The following E2F3 variants were observed in gnomAD, a reference collection of about 807,000 sequenced individuals.
E2F3 encodes the protein transcription factor E2F3.
E2F3 carries 11 observed loss-of-function variants against 44.4 expected under a neutral mutation model. The ratio of observed to expected loss-of-function variants is 0.25; its 90% CI spans 0.16 to 0.41. The LOEUF (loss-of-function observed/expected upper bound fraction) is 0.41. Ranked by LOEUF, E2F3 falls within the 10% of genes least tolerant of loss-of-function variation. E2F3 has a pLI of 1.00. For synonymous variants in E2F3, 249 were observed against 253.0 expected (o/e 0.98, Z 0.15); for missense variants, 487 against 583.6 (o/e 0.83, Z 1.70).
In E2F3 at chr6:20,493,239, G is replaced by C. The variant is rs1185891031; in HGVS notation, c.*2809G>C. 1 of 226,064 alleles carries C rather than the reference G, an allele frequency of 4.4e-6. No homozygotes were observed. Among genetic ancestry groups the C allele is most frequent in the Non-Finnish European group, 8.8e-6 (1 of 113,430 alleles). The allele number at this position is 226,064 out of a possible 1,614,324, so 14.0% of individuals were successfully genotyped here. On this transcript the variant is annotated 3_prime_UTR_variant, in exon 7 of 7. Transcript: ENST00000346618. ...TTTTGTTTTTCTGTTCTTTGTTGTG[G>C]CTCTTGTTTTCATTTTTGTTGTACG...
intron 1 of E2F3, among the ~76,000 whole-genome samples, chr6:20,448,196 G>T (rs751633481): frequency 2.0e-5 from 3 of 152,156 alleles, no homozygotes; most frequent in Non-Finnish European, 4.4e-5. Flanking sequence ...TTTTGGTTTG[G>T]TTGTTATGAG....
intron 1 of E2F3, among the ~76,000 whole-genome samples, chr6:20,466,966 AAC>A (rs1423923098): frequency 6.6e-6 from 1 of 152,130 alleles, no homozygotes; most frequent in Admixed American, 6.6e-5. Flanking sequence ...AGGTGTGAAC[AAC>A]CGCGCCCGGC....
intron 1 of E2F3, among the ~76,000 whole-genome samples, chr6:20,456,211 T>C (rs1032278551): frequency 6.6e-6 from 1 of 151,878 alleles, no homozygotes; most frequent in African/African-American, 2.4e-5. Flanking sequence ...GAAAGTAGTA[T>C]GCCAGTGAAT....
At chr6:20,466,411 C>A (rs1475496438) in intron 1 of E2F3, among the ~76,000 whole-genome samples, 2 of 152,078 alleles carry the variant, frequency 1.3e-5, no homozygotes, top group African/African-American at 4.8e-5. Flanking sequence ...CCATGGCCAG[C>A]AATTATTTTT....
chr6:20,414,274 G>A (rs1330892447), intron 1 of E2F3, among the ~76,000 whole-genome samples: 1 of 152,072 alleles, frequency 6.6e-6, no homozygotes, highest in Non-Finnish European at 1.5e-5. Context: ...GTCAGGGCTC[G>A]CAGAGACGAG....
chr6:20,416,608 A>T (rs897620531), intron 1 of E2F3, among the ~76,000 whole-genome samples: 1 of 152,218 alleles, frequency 6.6e-6, no homozygotes, highest in African/African-American at 2.4e-5. Flanking sequence ...ACCCACTGTC[A>T]GAAACTCAGG....
At chr6:20,454,766 T>A (rs1024756196) in intron 1 of E2F3, among the ~76,000 whole-genome samples, 1 of 152,226 alleles carries the variant, frequency 6.6e-6, no homozygotes, top group African/African-American at 2.4e-5. Flanking sequence ...ATACTTCTGA[T>A]GACTGTTAGC....
At chr6:20,434,889 G>A (rs1433203034) in intron 1 of E2F3, among the ~76,000 whole-genome samples, 3 of 152,182 alleles carry the variant, frequency 2.0e-5, no homozygotes, top group African/African-American at 4.8e-5. Context: ...AAATGAGAGC[G>A]TGGCAGATGG....
intron 1 of E2F3, among the ~76,000 whole-genome samples, chr6:20,462,857 CTCTTTTTTT>C (rs1561873236): frequency 6.5e-5 from 7 of 107,540 alleles, no homozygotes; most frequent in Non-Finnish European, 9.1e-5. Context: ...TTCTCTCTCT[CTCTTTTTTT>C]TTTTTTTTTT....
intron 1 of E2F3, chr6:20,445,028 TGG>T: frequency 1.0e-6 from 1 of 974,282 alleles, no homozygotes; most frequent in Non-Finnish European, 1.2e-6. Flanking sequence ...TGCATTGGCC[TGG>T]CCATGGTTTA....
intron 1 of E2F3, among the ~76,000 whole-genome samples, chr6:20,467,719 T>C (rs1318915138): frequency 1.3e-4 from 20 of 152,242 alleles, no homozygotes. Flanking sequence ...TTCTAGCTAT[T>C]ACAGATAACA....
intron 1 of E2F3, among the ~76,000 whole-genome samples, chr6:20,436,374 C>G (rs1554137080): frequency 6.6e-6 from 1 of 152,066 alleles, no homozygotes; most frequent in Non-Finnish European, 1.5e-5. Context: ...CTTTTGGCTT[C>G]CCTGGGCCAC....
At position 20,486,815 on chromosome 6, in the gene E2F3, G is replaced by C. The variant is rs755034558; in HGVS notation, c.999+12G>C. ...CTGACTCAATAGAGGTAAGGAGACAGCGTCTTTGTTCATCTGCAAAGATCT... is the reference window on the plus strand; with the variant it reads ...CTGACTCAATAGAGGTAAGGAGACACCGTCTTTGTTCATCTGCAAAGATCT... On this transcript the variant is annotated intron_variant, in intron 5 of 6. Transcript: ENST00000346618. The C allele has an allele frequency of 6.5e-7, 1 of 1,539,082 alleles. No individual in the cohort carries two copies. Among genetic ancestry groups the C allele is most frequent in the South Asian group, 1.2e-5 (1 of 86,674 alleles).
Position 20,451,559 on chromosome 6 carries a change from C to T in E2F3, c.394-28287C>T, listed in dbSNP as rs140410705. Among the ~76,000 whole-genome samples, 254 of 152,240 alleles carry T rather than the reference C, an allele frequency of 1.7e-3. 9 individuals carry two copies. In the East Asian group the frequency reaches 0.033, roughly 20 times the overall value. ...ATTTGGAGGCACTTTATTTCTTTCT[C>T]TTGACTGATTGCTCTGGCCAGGGCT... On this transcript the variant is annotated intron_variant, in intron 1 of 6. Coordinates refer to ENST00000346618, the MANE Select transcript of E2F3 (RefSeq NM_001949.5).
intron 1 of E2F3, among the ~76,000 whole-genome samples, chr6:20,455,359 C>T (rs898015915): frequency 2.0e-5 from 3 of 152,184 alleles, no homozygotes; most frequent in African/African-American, 7.2e-5. Context: ...CAGGACTGGA[C>T]TTTCCCACTT....
chr6:20,445,829 G>C (rs968368567), intron 1 of E2F3, among the ~76,000 whole-genome samples: 2 of 152,202 alleles, frequency 1.3e-5, no homozygotes, highest in Non-Finnish European at 2.9e-5. Flanking sequence ...ATTTAAGAAA[G>C]ATTAATTTAA....
chr6:20,469,059 T>C (rs966423310), intron 1 of E2F3, among the ~76,000 whole-genome samples: 1 of 151,650 alleles, frequency 6.6e-6, no homozygotes, highest in African/African-American at 2.4e-5. Context: ...TGATGGAGAG[T>C]TGGAAAAAAT....
In E2F3 at chr6:20,402,965, G is replaced by A. The variant is rs1478192460; in HGVS notation, c.393+340G>A. ...CCAACTCGAAGCTTCCTCTTTCTCG[G>A]GCGTAGGAAGGGGTCACGCCCCGGA... On this transcript the variant is annotated intron_variant, in intron 1 of 6. Coordinates refer to ENST00000346618, the MANE Select transcript of E2F3 (RefSeq NM_001949.5). The surrounding 1 kb of genome is among the most constrained non-coding windows in gnomAD (Gnocchi z 5.6). 1.3e-5 allele frequency among the ~76,000 whole-genome samples: 2 copies of A among 152,194 alleles called. No individual in the cohort carries two copies. The highest frequency in any genetic ancestry group is 3.9e-4 in the East Asian group (2 of 5,164).
chr6:20,468,356 G>A (rs753402676), intron 1 of E2F3, among the ~76,000 whole-genome samples: 1 of 152,216 alleles, frequency 6.6e-6, no homozygotes, highest in Non-Finnish European at 1.5e-5. Flanking sequence ...TGCTAGAGCA[G>A]CTCACAGAAC....
Sources: allele counts gnomAD v4.1 joint callset (sites outside exome capture counted in the v4.1 genomes callset), GRCh38; gene constraint gnomAD v4.1.1; non-coding constraint Gnocchi (gnomAD v3.1); transcripts MANE v1.5; gene names NCBI Gene and HGNC (gene_info 2026-07-23, HGNC 2026-07-21).